MYO3B: variants seen among roughly 807,000 people sequenced by gnomAD.
MYO3B encodes myosin-IIIb.
In MYO3B, 156 loss-of-function variants were observed where a neutral mutation model predicts 174.6. That is an observed-to-expected ratio of 0.89 (90% confidence interval 0.78 to 1.02). MYO3B has a LOEUF of 1.02. MYO3B is among the 50% of genes least tolerant of loss of function. The pLI is 0.00. For missense variants in MYO3B, 1,632 were observed against 1,639.4 expected (o/e 1.00, Z 0.08); for synonymous variants, 563 against 569.1 (o/e 0.99, Z 0.15).
chr2:170,641,878 C>T (rs942509240), intron 32 of MYO3B, among the ~76,000 whole-genome samples: 1 of 35,188 alleles, frequency 2.8e-5, no homozygotes, highest in Non-Finnish European at 4.4e-5. Context: ...GGGGGAGGGG[C>T]GGGGAGCCAT....
intron 7 of MYO3B, among the ~76,000 whole-genome samples, chr2:170,318,259 T>G (rs980572135): frequency 6.6e-6 from 1 of 152,248 alleles, no homozygotes; most frequent in African/African-American, 2.4e-5. Flanking sequence ...TTCCTTAGAT[T>G]GACCAAATGG....
At chr2:170,274,341 A>T (rs985544823) in intron 7 of MYO3B, among the ~76,000 whole-genome samples, 1 of 152,148 alleles carries the variant, frequency 6.6e-6, no homozygotes, top group South Asian at 2.1e-4. Flanking sequence ...ATTCATTGGA[A>T]TGCTTTATCC....
At chr2:170,473,555 G>T (rs945419636) in intron 25 of MYO3B, among the ~76,000 whole-genome samples, 2 of 152,000 alleles carry the variant, frequency 1.3e-5, no homozygotes, top group Non-Finnish European at 1.5e-5. Context: ...AGTTTTCCTT[G>T]TACTGTAGTG....
At chr2:170,266,727 A>G (rs1382662656) in intron 7 of MYO3B, among the ~76,000 whole-genome samples, 2 of 152,222 alleles carry the variant, frequency 1.3e-5, no homozygotes, top group Non-Finnish European at 2.9e-5. Context: ...AAGTTTATTG[A>G]AAGTCAATAA....
chr2:170,409,293 C>G (rs559593173), intron 22 of MYO3B, among the ~76,000 whole-genome samples: 27 of 152,314 alleles, frequency 1.8e-4, no homozygotes, highest in African/African-American at 6.0e-4. Flanking sequence ...TTGATTCACC[C>G]AACTGCGGGA....
intron 7 of MYO3B, among the ~76,000 whole-genome samples, chr2:170,271,758 A>G (rs563505156): frequency 2.0e-5 from 3 of 152,338 alleles, no homozygotes; most frequent in Admixed American, 6.5e-5. Flanking sequence ...TAAGAATTTT[A>G]ACCACAAACA....
chr2:170,238,598 G>A (rs566647324), intron 7 of MYO3B, among the ~76,000 whole-genome samples: 5 of 152,176 alleles, frequency 3.3e-5, no homozygotes, highest in East Asian at 1.9e-4. Context: ...ACCTTTTCCC[G>A]GCAACCCTTT....
chr2:170,307,088 A>G (rs2093705696), intron 7 of MYO3B, among the ~76,000 whole-genome samples: 1 of 151,966 alleles, frequency 6.6e-6, no homozygotes, highest in Admixed American at 6.6e-5. Flanking sequence ...GTAAAAAATG[A>G]AAAAATTAGC....
intron 32 of MYO3B, among the ~76,000 whole-genome samples, chr2:170,605,622 C>T (rs1002695884): frequency 2.6e-5 from 4 of 152,024 alleles, no homozygotes; most frequent in East Asian, 1.9e-4. Context: ...CTTTGGGAGG[C>T]GAGGTGGGTG....
chr2:170,491,487 G>A (rs540243475), intron 25 of MYO3B, among the ~76,000 whole-genome samples: 150 of 151,800 alleles, frequency 9.9e-4, no homozygotes, highest in African/African-American at 3.4e-3. Context: ...GTGCAGTGGC[G>A]CGATCTCTGC....
At chr2:170,362,330 A>T (rs1294842354) in intron 8 of MYO3B, among the ~76,000 whole-genome samples, 1 of 151,888 alleles carries the variant, frequency 6.6e-6, no homozygotes, top group African/African-American at 2.4e-5. Context: ...TTCCCTTTCC[A>T]TTTCCGTCCT....
intron 20 of MYO3B, among the ~76,000 whole-genome samples, chr2:170,404,910 T>C (rs1965135): frequency 0.9 from 136,419 of 152,224 alleles, 61,710 homozygotes; most frequent in Middle Eastern, 0.98. Flanking sequence ...GGGCACCTCG[T>C]CCTGACATCA....
intron 32 of MYO3B, chr2:170,640,620 A>G (rs1697887547): frequency 6.6e-6 from 1 of 152,194 alleles, no homozygotes; most frequent in Admixed American, 6.5e-5. Context: ...ACTTTTTTCA[A>G]TTCTCAATTT....
intron 6 of MYO3B, among the ~76,000 whole-genome samples, chr2:170,225,554 T>C (rs1016447452): frequency 6.6e-6 from 1 of 152,196 alleles, no homozygotes; most frequent in African/African-American, 2.4e-5. Flanking sequence ...TAAAATAAAG[T>C]TCTTTAGAAT....
chr2:170,507,668 C>T (rs2106105026), intron 28 of MYO3B, among the ~76,000 whole-genome samples: 1 of 152,312 alleles, frequency 6.6e-6, no homozygotes, highest in Non-Finnish European at 1.5e-5. Flanking sequence ...GCTGGGATTA[C>T]AGGCGTGAGC....
intron 32 of MYO3B, among the ~76,000 whole-genome samples, chr2:170,564,178 A>G (rs2106260653): frequency 6.6e-6 from 1 of 152,344 alleles, no homozygotes; most frequent in East Asian, 1.9e-4. Flanking sequence ...AAATGGCTAT[A>G]AAATTCTAAG....
At chr2:170,204,476 A>T (rs1360062091) in intron 3 of MYO3B, among the ~76,000 whole-genome samples, 1 of 152,216 alleles carries the variant, frequency 6.6e-6, no homozygotes, top group Non-Finnish European at 1.5e-5. Flanking sequence ...AATAATGTGG[A>T]AGAAAGTTGA....
chr2:170,358,533 T>C (rs1394091940), intron 8 of MYO3B, among the ~76,000 whole-genome samples: 1 of 152,232 alleles, frequency 6.6e-6, no homozygotes, highest in Non-Finnish European at 1.5e-5. Flanking sequence ...TGTGTGAATA[T>C]ATTAAAAATA....
At chr2:170,464,766 A>G (rs769374987) in intron 24 of MYO3B, among the ~76,000 whole-genome samples, 1 of 152,100 alleles carries the variant, frequency 6.6e-6, no homozygotes, top group Non-Finnish European at 1.5e-5. Flanking sequence ...TATTTCTTAT[A>G]TTGAGACACA....
Sources: allele counts gnomAD v4.1 joint callset (sites outside exome capture counted in the v4.1 genomes callset), GRCh38; gene constraint gnomAD v4.1.1; transcripts MANE v1.5; gene names NCBI Gene and HGNC (gene_info 2026-07-23, HGNC 2026-07-21).